SESN1: variants seen among roughly 807,000 people sequenced by gnomAD.
The protein encoded by SESN1 is sestrin-1.
Under a neutral mutation model 59.3 loss-of-function variants are expected in SESN1, and 30 were observed. The observed-to-expected ratio is 0.51, with a 90% CI of 0.38 to 0.69. The LOEUF is 0.69. SESN1 is among the 30% of genes least tolerant of loss of function. The pLI is 0.00. For synonymous variants in SESN1, 197 were observed against 219.9 expected, an observed-to-expected ratio of 0.90 and a Z score of 0.92; for missense variants, 566 against 673.0, an observed-to-expected ratio of 0.84 and a Z score of 1.76.
At chr6:109,009,127 G>A in intron 1 of SESN1, 1 of 691,272 alleles carries the variant, frequency 1.4e-6, no homozygotes, top group Non-Finnish European at 2.0e-6. Flanking sequence ...GCCCAGGGAC[G>A]ACTCACGGTG....
intron 1 of SESN1, among the ~76,000 whole-genome samples, chr6:109,010,006 C>T (rs1202175641): frequency 6.6e-6 from 1 of 152,134 alleles, no homozygotes; most frequent in African/African-American, 2.4e-5. Context: ...GCCCAAACGA[C>T]GCTGAATCGG....
At chr6:109,062,515 G>A (rs1295519689) in intron 1 of SESN1, among the ~76,000 whole-genome samples, 1 of 152,150 alleles carries the variant, frequency 6.6e-6, no homozygotes, top group Non-Finnish European at 1.5e-5. Flanking sequence ...CAGTTTGGAT[G>A]ATAAATTATG....
At position 109,048,796 on chromosome 6, in the gene SESN1, A is replaced by G. The variant is rs181045662; in HGVS notation, c.279+44999T>C. Among the ~76,000 whole-genome samples, 517 of 152,332 alleles carry G rather than the reference A, an allele frequency of 3.4e-3. 2 individuals are homozygous for G. The highest frequency in any genetic ancestry group is 7.9e-3 in the South Asian group (38 of 4,826). ...CATTCCCCTGATTCTAAATTCCAGG[A>G]AGATACATCACAATTTATTCTATGT... On this transcript the variant is annotated intron_variant, in intron 1 of 9. Coordinates refer to ENST00000436639, the MANE Select transcript of SESN1 (RefSeq NM_014454.3).
intron 8 of SESN1, among the ~76,000 whole-genome samples, chr6:108,989,620 TAGAG>T (rs1394614280): frequency 1.4e-5 from 2 of 145,050 alleles, no homozygotes; most frequent in Non-Finnish European, 3.0e-5. Flanking sequence ...TCTCTCTATA[TAGAG>T]AAATTTACTT....
chr6:108,990,584 G>T, intron 8 of SESN1, 61 bp downstream of exon 8: 2 of 1,470,130 alleles, frequency 1.4e-6, no homozygotes, highest in Non-Finnish European at 1.9e-6. Context: ...TGCGCTCCAA[G>T]CACTTGAATA....
chr6:109,010,019 G>A (rs551799689), intron 1 of SESN1, among the ~76,000 whole-genome samples: 1 of 152,236 alleles, frequency 6.6e-6, no homozygotes, highest in Admixed American at 6.5e-5. Flanking sequence ...TGAATCGGCA[G>A]CAGAATGCAG....
chr6:109,021,407 A>C (rs1780008525), intron 1 of SESN1, among the ~76,000 whole-genome samples: 1 of 151,946 alleles, frequency 6.6e-6, no homozygotes, highest in African/African-American at 2.4e-5. Flanking sequence ...GTAGGGGAAA[A>C]GTTTGGAGAC....
chr6:109,078,748 T>C (rs1781069971), intron 1 of SESN1, among the ~76,000 whole-genome samples: 1 of 152,182 alleles, frequency 6.6e-6, no homozygotes, highest in East Asian at 1.9e-4. Context: ...CATAAAGAAA[T>C]ATTTTAAATG....
In SESN1 at chr6:109,057,169, G is replaced by A. The variant is rs77731773; in HGVS notation, c.279+36626C>T. Among the ~76,000 whole-genome samples, 246 of 152,320 alleles carry A rather than the reference G, an allele frequency of 1.6e-3. 2 individuals carry two copies. In the East Asian group the frequency reaches 0.045, roughly 28 times the overall value. On this transcript the variant is annotated intron_variant, in intron 1 of 9. Coordinates refer to ENST00000436639, the MANE Select transcript of SESN1 (RefSeq NM_014454.3). The stretch of plus-strand genomic sequence containing the variant: ...TGACTGCAACCTCATAAGGGACCCT[G>A]AGCCAGAACCTCCCAGCTAAGCCAT...
intron 1 of SESN1, among the ~76,000 whole-genome samples, chr6:109,018,527 C>T (rs970392801): frequency 3.3e-5 from 5 of 152,112 alleles, no homozygotes; most frequent in African/African-American, 1.2e-4. Flanking sequence ...TTGCTTGGTA[C>T]GTGCTCCTGA....
At chr6:109,003,780 C>A (rs1440141758) in intron 1 of SESN1, among the ~76,000 whole-genome samples, 1 of 152,168 alleles carries the variant, frequency 6.6e-6, no homozygotes, top group Non-Finnish European at 1.5e-5. Context: ...GCACCAATAG[C>A]AGCCATTTAT....
intron 1 of SESN1, among the ~76,000 whole-genome samples, chr6:109,057,740 T>A (rs902842027): frequency 4.6e-5 from 7 of 152,220 alleles, no homozygotes; most frequent in Non-Finnish European, 1.0e-4. Context: ...ATACTTTCAG[T>A]AGAATGCCTA....
chr6:109,046,190 C>T (rs1046019483), intron 1 of SESN1, among the ~76,000 whole-genome samples: 2 of 150,992 alleles, frequency 1.3e-5, no homozygotes, highest in East Asian at 3.9e-4. Flanking sequence ...CTGCAACCTC[C>T]CTGCCTGATT....
intron 1 of SESN1, among the ~76,000 whole-genome samples, chr6:109,069,612 G>T (rs1429764449): frequency 6.6e-6 from 1 of 151,670 alleles, no homozygotes; most frequent in Non-Finnish European, 1.5e-5. Context: ...TACAATCATA[G>T]CTCACTGTTA....
At chr6:108,991,486 C>T (rs74582170) in intron 7 of SESN1, among the ~76,000 whole-genome samples, 14,960 of 152,134 alleles carry the variant, frequency 0.098, 898 homozygotes, top group Middle Eastern at 0.19. Flanking sequence ...CAGTGATTTT[C>T]CCATCTTGGT....
chr6:109,093,406 A>G (rs1030997945), intron 1 of SESN1, among the ~76,000 whole-genome samples: 1 of 152,180 alleles, frequency 6.6e-6, no homozygotes, highest in Non-Finnish European at 1.5e-5. Context: ...TGTTCCACCA[A>G]TTATCTTGAA....
At position 109,000,510 on chromosome 6, in the gene SESN1, A is replaced by G; in HGVS notation, c.710T>C (p.Ile237Thr). The part of the protein sequence containing the change: ...NKVLAHRPWL[I>T]TKEHIEGLLK... ...GCTTACCTCAATGTGTTCTTTGGTA[A>G]TAAGCCAAGGTCTATGGGCTAACAC... The change falls in exon 4 of 10, where the codon ATT becomes ACT. Residue 237 changes from isoleucine (I) to threonine (T), a missense_variant. Transcript: ENST00000436639. 6.3e-7 allele frequency: 1 copy of G among 1,591,840 alleles called. No homozygotes were observed. The highest frequency in any genetic ancestry group is 8.6e-7 in the Non-Finnish European group (1 of 1,168,910).
At chr6:109,002,428 A>C (rs1363458275) in intron 1 of SESN1, 85 bp from the exon 2 acceptor site, 15 of 1,006,446 alleles carry the variant, frequency 1.5e-5, no homozygotes, top group Non-Finnish European at 2.0e-5. Context: ...AAAAACAACC[A>C]GTCGAACAGA....
At chr6:108,993,022 T>C (rs1411310199) in intron 6 of SESN1, 123 bp from the exon 7 acceptor site, 3 of 624,392 alleles carry the variant, frequency 4.8e-6, no homozygotes, top group Non-Finnish European at 5.6e-6. Context: ...TCAACCAAAG[T>C]AGTCTTACAA....
Sources: allele counts gnomAD v4.1 joint callset (sites outside exome capture counted in the v4.1 genomes callset), GRCh38; gene constraint gnomAD v4.1.1; transcripts MANE v1.5; gene names NCBI Gene and HGNC (gene_info 2026-07-23, HGNC 2026-07-21).